Variants in EML6 observed in about 807,000 individuals in gnomAD.
EML6 encodes the protein EMAP like 6.
In EML6, 154 loss-of-function variants were observed where a neutral mutation model predicts 240.1. The observed-to-expected ratio is 0.64, with a 90% CI of 0.56 to 0.73. The LOEUF (loss-of-function observed/expected upper bound fraction) is 0.73, where lower values mean the gene tolerates loss of function less well. EML6 is among the 30% of genes least tolerant of loss of function. EML6 has a pLI of 0.00. For missense variants in EML6, 2,964 were observed against 2,474.6 expected, an observed-to-expected ratio of 1.20 and a Z score of -4.20; for synonymous variants, 1,148 against 899.0, an observed-to-expected ratio of 1.28 and a Z score of -4.95.
chr2:54,946,732 A>G (rs1002115463), intron 28 of EML6, among the ~76,000 whole-genome samples: 2 of 152,182 alleles, frequency 1.3e-5, no homozygotes, highest in Non-Finnish European at 2.9e-5. Flanking sequence ...ATCCAGTACT[A>G]AGTGTTCACG....
intron 6 of EML6, among the ~76,000 whole-genome samples, chr2:54,828,477 A>G (rs940039904): frequency 6.6e-6 from 1 of 152,244 alleles, no homozygotes; most frequent in Admixed American, 6.5e-5. Context: ...TAAAGATGTT[A>G]TTGGAAATGG....
chr2:54,939,566 C>T (rs1430968389), intron 28 of EML6, among the ~76,000 whole-genome samples: 2 of 152,180 alleles, frequency 1.3e-5, no homozygotes, highest in Non-Finnish European at 2.9e-5. Flanking sequence ...TCGCAGCTGT[C>T]AGCATTCCAT....
chr2:54,863,333 T>C (rs76958117), intron 12 of EML6, among the ~76,000 whole-genome samples: 3,016 of 152,272 alleles, frequency 0.02, 99 homozygotes, highest in African/African-American at 0.068. Context: ...ACCTAGGCAA[T>C]GTGGTGAAAC....
intron 2 of EML6, among the ~76,000 whole-genome samples, chr2:54,782,208 A>C (rs748190804): frequency 6.6e-6 from 1 of 152,176 alleles, no homozygotes; most frequent in Non-Finnish European, 1.5e-5. Flanking sequence ...GTTAAATTTT[A>C]CTTCATTGTT....
intron 2 of EML6, among the ~76,000 whole-genome samples, chr2:54,763,735 G>T (rs1394484459): frequency 6.6e-6 from 1 of 152,162 alleles, no homozygotes; most frequent in Non-Finnish European, 1.5e-5. Flanking sequence ...TAAAAATTGG[G>T]TATGACATTA....
rs576184942 is a variant in EML6 at position 54,850,541 on chromosome 2, C to G, written c.1444+323C>G. 4.7e-4 allele frequency among the ~76,000 whole-genome samples: 71 copies of G among 150,952 alleles called. 1 individual carries two copies. The South Asian group carries it at 0.014, about 29-fold the overall frequency. Reference sequence around the variant, plus strand: ...GTTATAATGGACAAAAGATATATATCTAGAATATATAAAGAATGCCTAAGG... The same window carrying G: ...GTTATAATGGACAAAAGATATATATGTAGAATATATAAAGAATGCCTAAGG... On this transcript the variant is annotated intron_variant, in intron 10 of 41. Coordinates refer to ENST00000356458, the MANE Select transcript of EML6 (RefSeq NM_001039753.4).
At chr2:54,845,908 G>A (rs1669725684) in intron 8 of EML6, among the ~76,000 whole-genome samples, 1 of 152,194 alleles carries the variant, frequency 6.6e-6, no homozygotes, top group Non-Finnish European at 1.5e-5. Flanking sequence ...ACACTAGTTT[G>A]TGTTATCAGA....
In EML6 at chr2:54,909,188, C is replaced by T. The variant is rs536646072; in HGVS notation, c.3410-1766C>T. Among the ~76,000 whole-genome samples, 366 of 152,330 alleles carry T rather than the reference C, an allele frequency of 2.4e-3. 1 individual carries two copies. Among genetic ancestry groups the T allele is most frequent in the Non-Finnish European group, 4.2e-3 (286 of 68,022 alleles). On this transcript the variant is annotated intron_variant, in intron 24 of 41. Coordinates refer to ENST00000356458, the MANE Select transcript of EML6 (RefSeq NM_001039753.4). ...TAGCCATATTCAAAGAATGTGTTCA[C>T]TGAATAACCGTCCACGTGCTTTGTC...
At chr2:54,760,683 G>A (rs1483028807) in intron 2 of EML6, among the ~76,000 whole-genome samples, 1 of 152,132 alleles carries the variant, frequency 6.6e-6, no homozygotes, top group Non-Finnish European at 1.5e-5. Flanking sequence ...ATATGAAGAA[G>A]TAAGTTTCTA....
At chr2:54,956,523 G>C (rs979041858) in intron 32 of EML6, among the ~76,000 whole-genome samples, 40 of 152,124 alleles carry the variant, frequency 2.6e-4, no homozygotes, top group African/African-American at 8.7e-4. Context: ...GGTATCCTTG[G>C]AGACTGTGGG....
At chr2:54,952,493 C>G (rs1464306655) in intron 30 of EML6, 101 bp from the exon 31 acceptor site, 2 of 676,408 alleles carry the variant, frequency 3.0e-6, no homozygotes, top group Non-Finnish European at 4.9e-6. Flanking sequence ...TAAGCTCTCA[C>G]TTTTATAAGA....
At chr2:54,968,635 C>G in intron 40 of EML6, 33 bp from the exon 41 acceptor site, 2 of 1,305,664 alleles carry the variant, frequency 1.5e-6, no homozygotes, top group South Asian at 1.3e-5. Flanking sequence ...GAGCCAGGGT[C>G]TCTTAGCTGT....
rs770498465 is a variant in EML6 at position 54,916,802 on chromosome 2, C to G, written c.3542C>G (p.Pro1181Arg). The G allele has an allele frequency of 6.5e-7, 1 of 1,544,012 alleles. No individual in the cohort carries two copies. Among genetic ancestry groups the G allele is most frequent in the South Asian group, 1.2e-5 (1 of 83,214 alleles). Residue 1181 changes from proline (P) to arginine (R), a missense_variant, in exon 26 of 42, where the codon CCC (proline) becomes CGC (arginine). Pro to Arg is a moderately radical substitution (Grantham distance 103). Transcript: ENST00000356458. The stretch of plus-strand genomic sequence containing the variant: ...GACACATGGACCTGTGTCCTGGGGC[C>G]CACCTGTGAGGGAATCTGGCCAGCA... ...EWDTWTCVLGPTCEGIWPAHS... is the reference protein window; with the variant it reads ...EWDTWTCVLGRTCEGIWPAHS...
At chr2:54,805,772 AT>A (rs955022510) in intron 2 of EML6, among the ~76,000 whole-genome samples, 3 of 151,724 alleles carry the variant, frequency 2.0e-5, no homozygotes, top group South Asian at 2.1e-4. Flanking sequence ...ATTTTCTTAT[AT>A]TTTTTTCTAT....
intron 28 of EML6, among the ~76,000 whole-genome samples, chr2:54,938,886 G>A (rs1675285630): frequency 6.6e-6 from 1 of 152,164 alleles, no homozygotes; most frequent in Admixed American, 6.5e-5. Flanking sequence ...TTCTGTTGGT[G>A]GGAGACCTGG....
intron 35 of EML6, among the ~76,000 whole-genome samples, chr2:54,961,184 G>GTTGTTGTTT: frequency 1.8e-5 from 1 of 55,424 alleles, no homozygotes; most frequent in Admixed American, 2.7e-4. Flanking sequence ...TCAGGAAGTA[G>GTTGTTGTTT]TTTTTTTTTT....
intron 25 of EML6, among the ~76,000 whole-genome samples, chr2:54,911,937 C>G (rs974621696): frequency 5.9e-5 from 9 of 152,212 alleles, no homozygotes; most frequent in African/African-American, 2.2e-4. Context: ...ATGCGTACCT[C>G]TTTCAGGGTG....
intron 7 of EML6, 98 bp downstream of exon 7, chr2:54,829,575 C>A: frequency 1.1e-6 from 1 of 920,286 alleles, no homozygotes; most frequent in Non-Finnish European, 1.6e-6. Flanking sequence ...TTTAAAAAGG[C>A]AGTTTATATA....
intron 35 of EML6, among the ~76,000 whole-genome samples, chr2:54,961,184 G>GTTGTTTTTTTTTTTTTGTTTTTT: frequency 7.2e-5 from 4 of 55,416 alleles, no homozygotes; most frequent in South Asian, 6.9e-4. Context: ...TCAGGAAGTA[G>GTTGTTTTTTTTTTTTTGTTTTTT]TTTTTTTTTT....
Sources: gnomAD v4.1 joint callset for allele counts (sites outside exome capture counted in the v4.1 genomes callset) on GRCh38, gnomAD v4.1.1 for gene constraint, MANE v1.5 for transcripts, NCBI Gene and HGNC (gene_info 2026-07-23, HGNC 2026-07-21) for gene names.